Variants in CFAP20DC observed in about 807,000 individuals in gnomAD.
The protein encoded by CFAP20DC is protein CFAP20DC.
A neutral mutation model predicts 101.7 loss-of-function variants in CFAP20DC; 84 were observed. The observed-to-expected ratio is 0.83, with a 90% confidence interval of 0.69 to 0.99. CFAP20DC has a LOEUF of 0.99. Among genes scored for constraint, CFAP20DC ranks in the 50% least tolerant of loss-of-function variants. CFAP20DC has a pLI of 0.00. For synonymous variants in CFAP20DC, 359 were observed against 351.2 expected, an observed-to-expected ratio of 1.02 and a Z score of -0.25; for missense variants, 1,007 against 970.3, an observed-to-expected ratio of 1.04 and a Z score of -0.50.
intron 6 of CFAP20DC, among the ~76,000 whole-genome samples, chr3:58,911,098 T>C (rs1276479235): frequency 6.6e-6 from 1 of 152,104 alleles, no homozygotes; most frequent in Non-Finnish European, 1.5e-5. Flanking sequence ...AATCAAAAAA[T>C]ATAGTAACTG....
chr3:58,921,195 G>A (rs2085329532), intron 5 of CFAP20DC, among the ~76,000 whole-genome samples: 1 of 151,786 alleles, frequency 6.6e-6, no homozygotes, highest in African/African-American at 2.4e-5. Flanking sequence ...TCATTTCAAA[G>A]AACCAATTTT....
intron 14 of CFAP20DC, among the ~76,000 whole-genome samples, chr3:58,831,159 A>C (rs1291876913): frequency 1.3e-5 from 2 of 152,228 alleles, no homozygotes; most frequent in Admixed American, 1.3e-4. Flanking sequence ...TTAACTATGG[A>C]AACACATGGG....
intron 4 of CFAP20DC, among the ~76,000 whole-genome samples, chr3:58,939,853 G>A (rs1354836949): frequency 1.4e-5 from 2 of 139,280 alleles, no homozygotes; most frequent in African/African-American, 5.4e-5. Context: ...TGTAACCTCC[G>A]CCTCCCAGGT....
intron 4 of CFAP20DC, among the ~76,000 whole-genome samples, chr3:59,032,921 T>G (rs2094024573): frequency 6.6e-6 from 1 of 152,088 alleles, no homozygotes; most frequent in Non-Finnish European, 1.5e-5. Context: ...CTCCCAGCAG[T>G]GGTCAACAGA....
rs895828273 is a variant in CFAP20DC at position 58,722,532 on chromosome 3, C to T, written c.198-4904G>A. ...TGTTTAAAGGACTCTAATTCTCTCTCGTGATGGAGTAGAAACCTGAGAGAT... is the reference window on the plus strand; with the variant it reads ...TGTTTAAAGGACTCTAATTCTCTCTTGTGATGGAGTAGAAACCTGAGAGAT... On this transcript the variant is annotated intron_variant, in intron 3 of 3. Coordinates refer to the CFAP20DC transcript ENST00000486145. This position sits in a 1 kb window ranked among gnomAD's most constrained non-coding sequence, Gnocchi z 4.5. 6.6e-6 allele frequency among the ~76,000 whole-genome samples: 1 copy of T among 152,140 alleles called. No individual in the cohort carries two copies. Among genetic ancestry groups the T allele is most frequent in the East Asian group, 1.9e-4 (1 of 5,194 alleles).
At chr3:58,781,565 G>C (rs937465740) in intron 15 of CFAP20DC, among the ~76,000 whole-genome samples, 1 of 151,634 alleles carries the variant, frequency 6.6e-6, no homozygotes, top group Non-Finnish European at 1.5e-5. Flanking sequence ...GCCATAAAAA[G>C]AGAATACCCA....
chr3:58,857,014 C>G (rs182805782), intron 12 of CFAP20DC, among the ~76,000 whole-genome samples: 1 of 152,212 alleles, frequency 6.6e-6, no homozygotes, highest in Non-Finnish European at 1.5e-5. Context: ...TTTCAGTAAA[C>G]ATTAATGCAA....
chr3:58,958,410 T>A (rs927074179), intron 4 of CFAP20DC, among the ~76,000 whole-genome samples: 2 of 152,358 alleles, frequency 1.3e-5, no homozygotes, highest in Middle Eastern at 3.4e-3. Context: ...TCACATTTTG[T>A]TGATCTATTC....
chr3:58,837,024 T>G (rs1346985644), intron 13 of CFAP20DC, among the ~76,000 whole-genome samples: 2 of 152,158 alleles, frequency 1.3e-5, no homozygotes, highest in East Asian at 3.9e-4. Context: ...CAGAAAAGCA[T>G]GGGGCAACCT....
At chr3:58,883,324 C>T (rs918892034) in intron 7 of CFAP20DC, among the ~76,000 whole-genome samples, 2 of 152,184 alleles carry the variant, frequency 1.3e-5, no homozygotes, top group African/African-American at 4.8e-5. Flanking sequence ...TCTCTGCTAT[C>T]ACTTGATTTC....
At chr3:58,981,904 A>G (rs2092564845) in intron 4 of CFAP20DC, among the ~76,000 whole-genome samples, 1 of 152,220 alleles carries the variant, frequency 6.6e-6, no homozygotes, top group African/African-American at 2.4e-5. Context: ...AGAAACTACC[A>G]TCAGAGTGAA....
downstream of CFAP20DC, among the ~76,000 whole-genome samples, chr3:58,738,884 G>C (rs1007591348): frequency 6.6e-6 from 1 of 152,258 alleles, no homozygotes; most frequent in East Asian, 1.9e-4. The surrounding 1 kb of genome is among the most constrained non-coding windows in gnomAD (Gnocchi z 4.4). Flanking sequence ...AAAAAGAACA[G>C]CTCAGAAACT....
intron 4 of CFAP20DC, among the ~76,000 whole-genome samples, chr3:58,974,312 G>A (rs115947226): frequency 1.3e-5 from 2 of 152,010 alleles, no homozygotes; most frequent in Non-Finnish European, 2.9e-5. Context: ...CTTTGTGTCT[G>A]TGTGTACTCA....
At chr3:58,818,441 G>C (rs2075363778) in intron 14 of CFAP20DC, among the ~76,000 whole-genome samples, 2 of 151,346 alleles carry the variant, frequency 1.3e-5, no homozygotes, top group South Asian at 4.2e-4. Flanking sequence ...AAAGGATGGA[G>C]GAAGATCTAC....
At position 58,800,180 on chromosome 3, in the gene CFAP20DC, G is replaced by A. The variant is rs577236812; in HGVS notation, c.2237+6215C>T. Among the ~76,000 whole-genome samples, 5 of 152,346 alleles carry A rather than the reference G, an allele frequency of 3.3e-5. No individual in the cohort carries two copies. The South Asian group carries it at 1.0e-3, about 32-fold the overall frequency. ...CAAGGGGCAATGCCTGCATCTGATT[G>A]AGGCCTGTATACCACTTGGTTGCTA... On this transcript the variant is annotated intron_variant, in intron 15 of 16. Transcript: ENST00000482387.
chr3:58,786,536 T>C (rs952571438), intron 15 of CFAP20DC, among the ~76,000 whole-genome samples: 1 of 152,102 alleles, frequency 6.6e-6, no homozygotes, highest in African/African-American at 2.4e-5. Context: ...TGTCCCTGTC[T>C]GTCTTGTCCC....
chr3:58,935,653 GA>G (rs2087460832), intron 5 of CFAP20DC, among the ~76,000 whole-genome samples: 1 of 152,130 alleles, frequency 6.6e-6, no homozygotes. Context: ...TGACAAACCT[GA>G]GAAAAACAGC....
rs9832325 is a variant in CFAP20DC, at chr3:58,834,597, G to C, written c.1972-2708C>G. Among the ~76,000 whole-genome samples the C allele has an allele frequency of 3.8e-3, 585 of 152,190 alleles. 3 individuals carry two copies. The highest frequency in any genetic ancestry group is 0.013 in the African/African-American group (559 of 41,504). ...TTAAGCCAGAAAAATCTAAGCCTGG[G>C]CCTTCGTTCCACCACTTACCAGCTT... is the stretch of plus-strand genomic sequence containing the variant. On this transcript the variant is annotated intron_variant, in intron 13 of 16. Transcript: ENST00000482387.
intron 4 of CFAP20DC, among the ~76,000 whole-genome samples, chr3:58,970,161 TC>T (rs1166094349): frequency 6.6e-6 from 1 of 152,190 alleles, no homozygotes; most frequent in Non-Finnish European, 1.5e-5. Context: ...CACACTAGTT[TC>T]TTGGTGATGT....
Sources: gnomAD v4.1 joint callset for allele counts (sites outside exome capture counted in the v4.1 genomes callset) on GRCh38, gnomAD v4.1.1 for gene constraint, Gnocchi (gnomAD v3.1) non-coding constraint, MANE v1.5 for transcripts, NCBI Gene and HGNC (gene_info 2026-07-23, HGNC 2026-07-21) for gene names.